The following VWC2L variants were observed in gnomAD, a reference collection of about 807,000 sequenced individuals.
VWC2L encodes the protein von Willebrand factor C domain-containing protein 2-like.
VWC2L carries 10 observed loss-of-function variants against 21.6 expected under a neutral mutation model. That is an observed-to-expected ratio of 0.46 (90% CI 0.29 to 0.78). The LOEUF (loss-of-function observed/expected upper bound fraction) is 0.78. Ranked by LOEUF, VWC2L falls within the 30% of genes least tolerant of loss-of-function variation. The pLI is 0.10. For synonymous variants in VWC2L, 96 were observed against 94.3 expected (o/e 1.02, Z -0.10); for missense variants, 209 against 277.1 (o/e 0.75, Z 1.74).
In VWC2L at chr2:214,553,353, A is replaced by G. The variant is rs1323529466; in HGVS notation, c.521-22319A>G. 3.9e-5 allele frequency among the ~76,000 whole-genome samples: 6 copies of G among 152,216 alleles called. No homozygotes were observed. The South Asian group carries it at 1.2e-3, about 32-fold the overall frequency. On this transcript the variant is annotated intron_variant, in intron 3 of 3. Coordinates refer to ENST00000312504, the MANE Select transcript of VWC2L (RefSeq NM_001080500.4). ...AGTGATCAGGCTACAGCTCGATTTTATATATTTTAGAGATACATAAGACGT... is the reference window on the plus strand; with the variant it reads ...AGTGATCAGGCTACAGCTCGATTTTGTATATTTTAGAGATACATAAGACGT...
At chr2:214,548,753 G>A (rs1394335477) in intron 3 of VWC2L, among the ~76,000 whole-genome samples, 1 of 152,180 alleles carries the variant, frequency 6.6e-6, no homozygotes, top group Non-Finnish European at 1.5e-5. Flanking sequence ...CTTTTTAAGA[G>A]CACTAATAGC....
At chr2:214,571,220 T>C (rs1690144871) in intron 3 of VWC2L, among the ~76,000 whole-genome samples, 1 of 152,302 alleles carries the variant, frequency 6.6e-6, no homozygotes, top group Non-Finnish European at 1.5e-5. Context: ...AATGCACTCC[T>C]AGCTACCTGT....
At chr2:214,517,262 G>A (rs950483219) in intron 3 of VWC2L, among the ~76,000 whole-genome samples, 2 of 152,122 alleles carry the variant, frequency 1.3e-5, no homozygotes, top group Non-Finnish European at 2.9e-5. Context: ...CTATGTATGG[G>A]CATTACCAAT....
In VWC2L at chr2:214,414,516, A is replaced by G. The variant is rs1027246970; in HGVS notation, c.323A>G (p.Glu108Gly). ...TKVEHNGCCP[E>G]CKEVKNFCEY... ...GTGGAACACAATGGATGCTGTCCTG[A>G]GTGCAAAGAAGTAAAAAACTTCTGT... The change falls in exon 2 of 4, where the codon GAG becomes GGG. Residue 108 changes from glutamate to glycine, a missense_variant. Physicochemically the swap from Glu to Gly is moderately conservative, Grantham distance 98 (BLOSUM62 -2). Transcript: ENST00000312504. The G allele has an allele frequency of 2.5e-6, 4 of 1,612,494 alleles. No individual in the cohort carries two copies. The highest frequency in any genetic ancestry group is 1.7e-4 in the Middle Eastern group (1 of 6,054).
intron 3 of VWC2L, among the ~76,000 whole-genome samples, chr2:214,512,545 A>C (rs1173523907): frequency 2.0e-5 from 3 of 152,116 alleles, no homozygotes; most frequent in African/African-American, 4.8e-5. Context: ...CACCCTGTAC[A>C]TATACCCCTG....
chr2:214,556,178 T>A (rs1689870114), intron 3 of VWC2L, among the ~76,000 whole-genome samples: 1 of 152,182 alleles, frequency 6.6e-6, no homozygotes, highest in Admixed American at 6.5e-5. Context: ...GAGAATCACT[T>A]GAACTTGGGA....
intron 2 of VWC2L, among the ~76,000 whole-genome samples, chr2:214,434,674 A>T (rs1702652387): frequency 6.6e-6 from 1 of 152,206 alleles, no homozygotes; most frequent in South Asian, 2.1e-4. Flanking sequence ...TATTACAAAA[A>T]CTAAGTAAGT....
chr2:214,528,760 G>GA (rs1417969604), intron 3 of VWC2L, among the ~76,000 whole-genome samples: 18 of 152,138 alleles, frequency 1.2e-4, no homozygotes, highest in Admixed American at 1.1e-3. Flanking sequence ...ACACAGAGTA[G>GA]AAAAAACAAA....
chr2:214,529,510 C>G (rs934071246), intron 3 of VWC2L, among the ~76,000 whole-genome samples: 2 of 152,044 alleles, frequency 1.3e-5, no homozygotes, highest in African/African-American at 4.8e-5. Flanking sequence ...TTTTTATATG[C>G]CGTTTCTTCT....
At chr2:214,572,764 G>T (rs909372656) in intron 3 of VWC2L, among the ~76,000 whole-genome samples, 4 of 152,078 alleles carry the variant, frequency 2.6e-5, no homozygotes, top group African/African-American at 4.8e-5. Flanking sequence ...TACACCTAAG[G>T]TTCTCAGACA....
chr2:214,564,079 G>A lies in VWC2L; in HGVS notation c.521-11593G>A, dbSNP rs143444322. 6.0e-3 allele frequency among the ~76,000 whole-genome samples: 912 copies of A among 152,156 alleles called. 12 individuals are homozygous for A. Among genetic ancestry groups the A allele is most frequent in the African/African-American group, 0.021 (871 of 41,524 alleles). ...AACTCCCATTCACAATTGCCACAACGAGAATAAAATACCTAGAAATACAGC... is the reference window on the plus strand; with the variant it reads ...AACTCCCATTCACAATTGCCACAACAAGAATAAAATACCTAGAAATACAGC... On this transcript the variant is annotated intron_variant, in intron 3 of 3. Transcript: ENST00000312504.
chr2:214,419,482 TG>T (rs1386584515), intron 2 of VWC2L, among the ~76,000 whole-genome samples: 2 of 152,192 alleles, frequency 1.3e-5, no homozygotes, highest in Non-Finnish European at 2.9e-5. Flanking sequence ...CTTTAGAACT[TG>T]TACTGATTTA....
chr2:214,518,832 T>C (rs1362479611), intron 3 of VWC2L, among the ~76,000 whole-genome samples: 2 of 152,232 alleles, frequency 1.3e-5, no homozygotes, highest in Admixed American at 6.5e-5. Flanking sequence ...TTTTAATTTA[T>C]AAATTGCAAT....
At chr2:214,431,721 A>G (rs1702603694) in intron 2 of VWC2L, among the ~76,000 whole-genome samples, 1 of 152,216 alleles carries the variant, frequency 6.6e-6, no homozygotes. Flanking sequence ...ATTTTCTAAT[A>G]TACTAAATTG....
chr2:214,496,245 T>TTATTTTGGGATATATATATATATA (rs1553594758), intron 3 of VWC2L, among the ~76,000 whole-genome samples: 1 of 142,552 alleles, frequency 7.0e-6, no homozygotes, highest in Non-Finnish European at 1.6e-5. Context: ...TATTACAATC[T>TTATTTTGGGATATATATATATATA]TATGGGACAA....
intron 3 of VWC2L, among the ~76,000 whole-genome samples, chr2:214,547,254 T>G (rs1574629843): frequency 6.7e-6 from 1 of 148,516 alleles, no homozygotes; most frequent in African/African-American, 2.5e-5. Flanking sequence ...ATACTTGGGG[T>G]TCCATCCTCA....
At chr2:214,530,335 G>C (rs1385986554) in intron 3 of VWC2L, among the ~76,000 whole-genome samples, 2 of 152,172 alleles carry the variant, frequency 1.3e-5, no homozygotes, top group Non-Finnish European at 2.9e-5. Flanking sequence ...GCTAGAAGCA[G>C]AGGGGATCAA....
At chr2:214,468,600 G>A (rs979995543) in intron 3 of VWC2L, among the ~76,000 whole-genome samples, 4 of 151,716 alleles carry the variant, frequency 2.6e-5, no homozygotes, top group African/African-American at 9.7e-5. Flanking sequence ...GATCGGCAGG[G>A]AAAAATTATA....
chr2:214,511,724 T>C (rs1689056309), intron 3 of VWC2L, among the ~76,000 whole-genome samples: 1 of 151,980 alleles, frequency 6.6e-6, no homozygotes, highest in African/African-American at 2.4e-5. Context: ...CTGAAAAATA[T>C]ATATTTCTCC....
Sources: allele counts gnomAD v4.1 joint callset (sites outside exome capture counted in the v4.1 genomes callset), GRCh38; gene constraint gnomAD v4.1.1; transcripts MANE v1.5; gene names NCBI Gene and HGNC (gene_info 2026-07-23, HGNC 2026-07-21).